ELF3: variants seen among roughly 807,000 people sequenced by gnomAD.
The protein encoded by ELF3 is ETS-related transcription factor Elf-3.
A neutral mutation model predicts 43.9 loss-of-function variants in ELF3; 18 were observed. The observed-to-expected ratio is 0.41, with a 90% CI of 0.28 to 0.61. ELF3 has a LOEUF of 0.61. Among genes scored for constraint, ELF3 ranks in the 20% least tolerant of loss-of-function variants. The probability of loss-of-function intolerance (pLI) is 0.30; values close to 1 mark genes in which losing one functional copy is unlikely to be tolerated. For missense variants in ELF3, 373 were observed against 487.7 expected, an observed-to-expected ratio of 0.76 and a Z score of 2.21; for synonymous variants, 181 against 190.2, an observed-to-expected ratio of 0.95 and a Z score of 0.40.
Position 202,011,991 on chromosome 1 carries a change from C to T in ELF3, c.198C>T (p.Phe66=), listed in dbSNP as rs1233162298. 1 of 1,613,974 alleles carries T rather than the reference C, an allele frequency of 6.2e-7. No individual in the cohort carries two copies. The highest frequency in any genetic ancestry group is 1.3e-5 in the African/African-American group (1 of 74,944). The change falls in exon 3 of 9, where the codon TTC becomes TTT. Residue 66 remains phenylalanine, a synonymous_variant. Coordinates refer to ENST00000367284, the MANE Select transcript of ELF3 (RefSeq NM_004433.5). The stretch of plus-strand genomic sequence containing the variant: ...GCTGGTTGGGGGAACAGCCCCAGTT[C>T]TGGTCGAAGACGCAGGTTCTGGACT... ...KASWLGEQPQ[F]WSKTQVLDWI...
In ELF3 at chr1:202,015,326, G is replaced by T. The variant is rs775438696; in HGVS notation, c.*3G>T. ...AGGTTCTCCAGAGTCGGAACTGAGGGTTGGAACTATACCCGGGACCAAACT... is the reference window on the plus strand; with the variant it reads ...AGGTTCTCCAGAGTCGGAACTGAGGTTTGGAACTATACCCGGGACCAAACT... On this transcript the variant is annotated 3_prime_UTR_variant, in exon 9 of 9. Transcript: ENST00000367284. 19 of 1,613,864 alleles carry T rather than the reference G, an allele frequency of 1.2e-5. No individual in the cohort carries two copies.
chr1:202,012,378 T>G lies in ELF3; in HGVS notation c.420T>G (p.Ile140Met), dbSNP rs1398893368. 1 of 1,614,112 alleles carries G rather than the reference T, an allele frequency of 6.2e-7. No individual in the cohort carries two copies. The highest frequency in any genetic ancestry group is 1.3e-5 in the African/African-American group (1 of 75,040). Residue 140 changes from isoleucine (I) to methionine (M), a missense_variant, in exon 4 of 9, where the codon ATT becomes ATG. By Grantham distance (10) the Ile-to-Met change is conservative. Around this residue, in one of 3 missense-constraint regions of ELF3, gnomAD observed 311 missense variants for 351.2 expected, o/e 0.89. Transcript: ENST00000367284. The surrounding 1 kb of genome is among the most constrained non-coding windows in gnomAD (Gnocchi z 4.2). ...SSSSDELSWI[I>M]ELLEKDGMAF... is the part of the protein sequence containing the mutation. ...CTTCTGATGAGCTCAGTTGGATCAT[T>G]GAGCTGCTGGAGAAGGATGGCATGG...
intron 2 of ELF3, chr1:202,011,696 A>AC: frequency 3.9e-6 from 2 of 509,720 alleles, no homozygotes; most frequent in Non-Finnish European, 7.0e-6. Flanking sequence ...ACATGGTGAA[A>AC]CCCCGTCTCT....
Position 202,011,885 on chromosome 1 carries a change from A to C in ELF3, c.164-72A>C, listed in dbSNP as rs1684204748. 7.9e-6 allele frequency: 12 copies of C among 1,510,644 alleles called. No individual in the cohort carries two copies. The South Asian group carries it at 1.5e-4, about 19-fold the overall frequency. The allele number at this position is 1,510,644 out of a possible 1,614,324, so 93.6% of individuals were successfully genotyped here. On this transcript the variant is annotated intron_variant, in intron 2 of 8. Transcript: ENST00000367284. ...GGAGTGAGACTCCATCTCAAAAAAA[A>C]AAAAAAAAATGGGGCTGTAAGGTCT... is the stretch of plus-strand genomic sequence containing the variant.
In ELF3 at chr1:202,014,019, C is replaced by T. The variant is rs890784869; in HGVS notation, c.996C>T (p.Ala332=). ...TGACCTACGAGAAGCTGAGCCGGGC[C>T]ATGAGGTGAGCTGGCGGCCAGGACC... ...SNMTYEKLSR[A]MRYYYKREIL... Residue 332 remains alanine (A), a synonymous_variant, in exon 8 of 9, where the codon GCC becomes GCT. Transcript: ENST00000367284. 1.2e-6 allele frequency: 2 copies of T among 1,607,498 alleles called. No individual in the cohort carries two copies. The highest frequency in any genetic ancestry group is 2.2e-5 in the South Asian group (2 of 90,792).
rs567569189 is a variant in ELF3 at position 202,015,955 on chromosome 1, T to G, written c.*632T>G. The G allele has an allele frequency of 6.6e-6, 1 of 152,356 alleles. No individual in the cohort carries two copies. The highest frequency in any genetic ancestry group is 1.5e-5 in the Non-Finnish European group (1 of 68,152). 9.4% of individuals were successfully genotyped at this position (152,356 alleles called of 1,614,324 possible). A position where few individuals can be genotyped will look rare whatever the true frequency, so the allele number is the denominator to read the frequency against. On this transcript the variant is annotated 3_prime_UTR_variant, in exon 9 of 9. Transcript: ENST00000367284. Reference sequence around the variant, plus strand: ...GATGGGGCTCCCAGCTCCTTTCTCCTGTGAATGGAGGCAGAGACCTCCAAT... The same window carrying G: ...GATGGGGCTCCCAGCTCCTTTCTCCGGTGAATGGAGGCAGAGACCTCCAAT...
Position 202,013,108 on chromosome 1 carries a change from C to A in ELF3, c.688+72C>A. The A allele has an allele frequency of 6.2e-7, 1 of 1,602,086 alleles. No homozygotes were observed. Among genetic ancestry groups the A allele is most frequent in the South Asian group, 1.1e-5 (1 of 89,136 alleles). ...CAGGGGGCCCGGCTCTTCCTGCAGC[C>A]TTTTCCTGTAGAGGGGCTACTCTCC... is the stretch of plus-strand genomic sequence containing the variant. On this transcript the variant is annotated intron_variant, in intron 6 of 8. Coordinates refer to ENST00000367284, the MANE Select transcript of ELF3 (RefSeq NM_004433.5). The surrounding 1 kb of genome is among the most constrained non-coding windows in gnomAD (Gnocchi z 5.7).
chr1:202,013,333 C>A lies in ELF3; in HGVS notation c.805+35C>A, dbSNP rs192768026. 2 of 1,595,532 alleles carry A rather than the reference C, an allele frequency of 1.3e-6. No individual in the cohort carries two copies. Among genetic ancestry groups the A allele is most frequent in the African/African-American group, 1.3e-5 (1 of 74,558 alleles). ...GGGGGCACGTGGGTCCTCCCTGCGC[C>A]GGGCTGAGCGGCTTCCTGGGGCACT... On this transcript the variant is annotated intron_variant, in intron 7 of 8. Coordinates refer to ENST00000367284, the MANE Select transcript of ELF3 (RefSeq NM_004433.5). This position sits in a 1 kb window ranked among gnomAD's most constrained non-coding sequence, Gnocchi z 5.7.
intron 8 of ELF3, 131 bp downstream of exon 8, chr1:202,014,155 C>A: frequency 9.0e-7 from 1 of 1,105,454 alleles, no homozygotes; most frequent in Non-Finnish European, 1.3e-6. Context: ...AGGACAACAT[C>A]TGGGTTGGTC....
At chr1:202,014,681 C>T (rs370651897) in intron 8 of ELF3, among the ~76,000 whole-genome samples, 41 of 152,230 alleles carry the variant, frequency 2.7e-4, no homozygotes, top group South Asian at 2.1e-4. Flanking sequence ...AATCTTGGCT[C>T]GCTACAACCT....
intron 8 of ELF3, 156 bp from the exon 9 acceptor site, chr1:202,015,053 C>G: frequency 1.5e-6 from 1 of 647,526 alleles, no homozygotes; most frequent in Non-Finnish European, 2.7e-6. Flanking sequence ...GTGTGAAGAA[C>G]AGAGGAGTTT....
Position 202,012,680 on chromosome 1 carries a change from T to A in ELF3, c.519T>A (p.Gly173=), listed in dbSNP as rs769908638. 31 of 1,609,078 alleles carry A rather than the reference T, an allele frequency of 1.9e-5. No homozygotes were observed. In the South Asian group the frequency reaches 3.1e-4, roughly 16 times the overall value. The part of the protein sequence containing the change: ...SPFAQELLDD[G]QQASPYHPGS... ...TTGCCCAGGAGCTGCTGGACGACGG[T>A]CAGCAAGCCAGCCCCTACCACCCCG... The change falls in exon 5 of 9, where the codon GGT becomes GGA. Residue 173 remains glycine, a synonymous_variant. Transcript: ENST00000367284. This position sits in a 1 kb window ranked among gnomAD's most constrained non-coding sequence, Gnocchi z 4.2.
chr1:202,012,533 C>T lies in ELF3; in HGVS notation c.478+97C>T. On this transcript the variant is annotated intron_variant, in intron 4 of 8. Transcript: ENST00000367284. The surrounding 1 kb of genome is among the most constrained non-coding windows in gnomAD (Gnocchi z 4.2). Reference sequence around the variant, plus strand: ...GATGACCCCCTCCCCAGACTTCTTCCTCCCTCAATTAGAAAAATTGCAGCA... The same window carrying T: ...GATGACCCCCTCCCCAGACTTCTTCTTCCCTCAATTAGAAAAATTGCAGCA... 2 of 1,558,416 alleles carry T rather than the reference C, an allele frequency of 1.3e-6. No individual in the cohort carries two copies. Among genetic ancestry groups the T allele is most frequent in the South Asian group, 2.4e-5 (2 of 82,270 alleles).
At position 202,015,320 on chromosome 1, in the gene ELF3, C is replaced by T; in HGVS notation, c.1113C>T (p.Asn371=). ...AGGAAGAGGTTCTCCAGAGTCGGAACTGAGGGTTGGAACTATACCCGGGAC... is the reference window on the plus strand; with the variant it reads ...AGGAAGAGGTTCTCCAGAGTCGGAATTGAGGGTTGGAACTATACCCGGGAC... The part of the protein sequence containing the change: ...WKEEEVLQSR[N] Residue 371 remains asparagine (N), a synonymous_variant, in exon 9 of 9, where the codon AAC becomes AAT. Coordinates refer to ENST00000367284, the MANE Select transcript of ELF3 (RefSeq NM_004433.5). 6.2e-7 allele frequency: 1 copy of T among 1,614,070 alleles called. No individual in the cohort carries two copies. The highest frequency in any genetic ancestry group is 8.5e-7 in the Non-Finnish European group (1 of 1,180,004).
intron 8 of ELF3, 146 bp from the exon 9 acceptor site, chr1:202,015,063 T>C: frequency 1.5e-6 from 1 of 687,764 alleles, no homozygotes; most frequent in Non-Finnish European, 2.5e-6. Context: ...CAGAGGAGTT[T>C]AGGAAGTGTG....
At position 202,013,914 on chromosome 1, in the gene ELF3, T is replaced by C; in HGVS notation, c.891T>C (p.Asn297=). The C allele has an allele frequency of 1.9e-6, 3 of 1,614,014 alleles. No individual in the cohort carries two copies. The highest frequency in any genetic ancestry group is 2.5e-6 in the Non-Finnish European group (3 of 1,179,990). The change falls in exon 8 of 9, where the codon AAT becomes AAC. Residue 297 remains asparagine, a synonymous_variant. Transcript: ENST00000367284. The surrounding 1 kb of genome is among the most constrained non-coding windows in gnomAD (Gnocchi z 5.7). ...ELNEGLMKWE[N]RHEGVFKFLR... ...ACGAGGGCCTCATGAAGTGGGAGAATCGGCATGAAGGCGTCTTCAAGTTCC... is the reference window on the plus strand; with the variant it reads ...ACGAGGGCCTCATGAAGTGGGAGAACCGGCATGAAGGCGTCTTCAAGTTCC...
Position 202,013,344 on chromosome 1 carries a change from G to C in ELF3, c.805+46G>C, listed in dbSNP as rs751518877. 1.1e-5 allele frequency: 17 copies of C among 1,576,764 alleles called. No individual in the cohort carries two copies. The highest frequency in any genetic ancestry group is 1.4e-5 in the African/African-American group (1 of 74,002). ...GGTCCTCCCTGCGCCGGGCTGAGCG[G>C]CTTCCTGGGGCACTGCGGGTTGTTG... On this transcript the variant is annotated intron_variant, in intron 7 of 8. Coordinates refer to ENST00000367284, the MANE Select transcript of ELF3 (RefSeq NM_004433.5). This position sits in a 1 kb window ranked among gnomAD's most constrained non-coding sequence, Gnocchi z 5.7.
rs942199693 is a variant in ELF3 at position 202,012,199 on chromosome 1, G to A, written c.385+21G>A. The A allele has an allele frequency of 1.2e-6, 2 of 1,610,612 alleles. No homozygotes were observed. Among genetic ancestry groups the A allele is most frequent in the Non-Finnish European group, 1.7e-6 (2 of 1,178,748 alleles). Reference sequence around the variant, plus strand: ...CCTCAGTGAGTCCAGGCCCCTGGAGGCTGGGGAGCAGCTCCACATGTTGAG... The same window carrying A: ...CCTCAGTGAGTCCAGGCCCCTGGAGACTGGGGAGCAGCTCCACATGTTGAG... On this transcript the variant is annotated intron_variant, in intron 3 of 8. Transcript: ENST00000367284. The surrounding 1 kb of genome is among the most constrained non-coding windows in gnomAD (Gnocchi z 4.2).
Position 202,013,132 on chromosome 1 carries a change from C to T in ELF3, c.689-50C>T, listed in dbSNP as rs780024282. On this transcript the variant is annotated intron_variant, in intron 6 of 8. Coordinates refer to ENST00000367284, the MANE Select transcript of ELF3 (RefSeq NM_004433.5). The surrounding 1 kb of genome is among the most constrained non-coding windows in gnomAD (Gnocchi z 5.7). ...CCTTTTCCTGTAGAGGGGCTACTCT[C>T]CCTAACTCCCCTCTTGCCCCTCCTT... The T allele has an allele frequency of 2.5e-6, 4 of 1,608,094 alleles. No homozygotes were observed. The Admixed American group carries it at 5.0e-5, about 20-fold the overall frequency.
Sources: allele counts gnomAD v4.1 joint callset (sites outside exome capture counted in the v4.1 genomes callset), GRCh38; gene constraint gnomAD v4.1.1; regional missense constraint gnomAD v4.1.1; non-coding constraint Gnocchi (gnomAD v3.1); transcripts MANE v1.5; gene names NCBI Gene and HGNC (gene_info 2026-07-23, HGNC 2026-07-21).